TIGAR: variants seen among roughly 807,000 people sequenced by gnomAD.
The protein encoded by TIGAR is fructose-2,6-bisphosphatase TIGAR.
TIGAR carries 7 observed loss-of-function variants against 17.9 expected under a neutral mutation model. The ratio of observed to expected loss-of-function variants is 0.39; its 90% CI spans 0.22 to 0.73. The LOEUF (loss-of-function observed/expected upper bound fraction) is 0.73, where lower values mean the gene tolerates loss of function less well. Ranked by LOEUF, TIGAR falls within the 30% of genes least tolerant of loss-of-function variation. The pLI is 0.42. For synonymous variants in TIGAR, 94 were observed against 108.6 expected, an observed-to-expected ratio of 0.87 and a Z score of 0.84; for missense variants, 258 against 327.4, an observed-to-expected ratio of 0.79 and a Z score of 1.64.
chr12:4,329,407 C>T (rs1383739897), intron 1 of TIGAR, among the ~76,000 whole-genome samples: 1 of 131,590 alleles, frequency 7.6e-6, no homozygotes, highest in Non-Finnish European at 1.5e-5. Flanking sequence ...GGTGTGATTG[C>T]AGCTCACTGC....
intron 5 of TIGAR, 121 bp from the exon 6 acceptor site, chr12:4,352,139 C>A: frequency 2.8e-6 from 2 of 716,290 alleles, no homozygotes; most frequent in South Asian, 3.9e-5. Context: ...TGATATTCTT[C>A]TGCTTGTGTA....
At chr12:4,349,678 A>C (rs1228517886) in intron 3 of TIGAR, 141 bp from the exon 4 acceptor site, 2 of 619,810 alleles carry the variant, frequency 3.2e-6, no homozygotes, top group Middle Eastern at 4.3e-4. Flanking sequence ...CAGCCTCCCA[A>C]AGTGCTGGGA....
In TIGAR at chr12:4,341,382, A is replaced by G. The variant is rs578124301; in HGVS notation, c.192+4222A>G. ...TTTCTGCATTTCCAACTGAGCTTTGAAGAGAGTAGTCGTTCTCCCAGCATG... is the reference window on the plus strand; with the variant it reads ...TTTCTGCATTTCCAACTGAGCTTTGGAGAGAGTAGTCGTTCTCCCAGCATG... On this transcript the variant is annotated intron_variant, in intron 3 of 5. Transcript: ENST00000179259. Among the ~76,000 whole-genome samples the G allele has an allele frequency of 9.2e-5, 14 of 152,262 alleles. No individual in the cohort carries two copies. In the East Asian group the frequency reaches 1.9e-3, roughly 21 times the overall value.
chr12:4,354,578 G>C lies in TIGAR; in HGVS notation c.*1887G>C, dbSNP rs953944289. ...TTTAAAAATAAATATCAAGCCATCT[G>C]TGTTCTTTATTTTTACTTATGTCTT... is the stretch of plus-strand genomic sequence containing the variant. On this transcript the variant is annotated 3_prime_UTR_variant, in exon 6 of 6. Coordinates refer to ENST00000179259, the MANE Select transcript of TIGAR (RefSeq NM_020375.3). 13 of 151,836 alleles carry C rather than the reference G, an allele frequency of 8.6e-5. No homozygotes were observed. Among genetic ancestry groups the C allele is most frequent in the African/African-American group, 3.1e-4 (13 of 41,330 alleles). 9.4% of individuals were successfully genotyped at this position (151,836 alleles called of 1,614,324 possible). A position where few individuals can be genotyped will look rare whatever the true frequency, so the allele number is the denominator to read the frequency against.
intron 3 of TIGAR, among the ~76,000 whole-genome samples, chr12:4,339,770 A>G (rs907244413): frequency 9.9e-5 from 15 of 152,278 alleles, no homozygotes; most frequent in African/African-American, 3.4e-4. Flanking sequence ...GTGATACATT[A>G]TATCAACAGA....
chr12:4,343,682 G>T (rs1183282932), intron 3 of TIGAR, among the ~76,000 whole-genome samples: 2 of 152,174 alleles, frequency 1.3e-5, no homozygotes, highest in African/African-American at 4.8e-5. Flanking sequence ...TGAAACCAAT[G>T]AGAACAAAGA....
At chr12:4,345,254 A>G (rs1372703529) in intron 3 of TIGAR, among the ~76,000 whole-genome samples, 1 of 152,248 alleles carries the variant, frequency 6.6e-6, no homozygotes, top group Non-Finnish European at 1.5e-5. Context: ...CTTGGAAAAA[A>G]CTACTTTAAA....
In TIGAR at chr12:4,345,848, C is replaced by G. The variant is rs140186600; in HGVS notation, c.193-3971C>G. Among the ~76,000 whole-genome samples the G allele has an allele frequency of 1.3e-4, 20 of 152,198 alleles. No homozygotes were observed. In the East Asian group the frequency reaches 3.9e-3, roughly 29 times the overall value. On this transcript the variant is annotated intron_variant, in intron 3 of 5. Transcript: ENST00000179259. ...ACCTACAGAATGGGAGAAAATTTTT[C>G]CAATCTACTCATCTGACAAAGGGCT...
chr12:4,347,358 C>G (rs1364751092), intron 3 of TIGAR, among the ~76,000 whole-genome samples: 1 of 152,002 alleles, frequency 6.6e-6, no homozygotes, highest in East Asian at 1.9e-4. Context: ...AACAATTGAA[C>G]TCATGGAGAT....
intron 3 of TIGAR, among the ~76,000 whole-genome samples, chr12:4,337,848 C>G (rs1483183586): frequency 6.6e-6 from 1 of 152,012 alleles, no homozygotes; most frequent in African/African-American, 2.4e-5. Flanking sequence ...AATGAAAAAC[C>G]AGTTGGGCAT....
In TIGAR at chr12:4,352,931, G is replaced by A; in HGVS notation, c.*240G>A. On this transcript the variant is annotated 3_prime_UTR_variant, in exon 6 of 6. Coordinates refer to ENST00000179259, the MANE Select transcript of TIGAR (RefSeq NM_020375.3). ...ACCACCCTGCTAGATGTCATCTCTG[G>A]ATTGCACATGGATGATGAAGGAACT... The A allele has an allele frequency of 2.1e-6, 1 of 469,840 alleles. No homozygotes were observed. The highest frequency in any genetic ancestry group is 3.8e-6 in the Non-Finnish European group (1 of 265,430). The allele number at this position is 469,840 out of a possible 1,614,324, so 29.1% of individuals were successfully genotyped here. A position where few individuals can be genotyped will look rare whatever the true frequency, so the allele number is the denominator to read the frequency against.
intron 3 of TIGAR, among the ~76,000 whole-genome samples, chr12:4,344,326 G>A (rs1316262192): frequency 1.3e-5 from 2 of 152,136 alleles, no homozygotes; most frequent in African/African-American, 4.8e-5. Context: ...CATTCCTTCT[G>A]AAACTATCCC....
At position 4,337,179 on chromosome 12, in the gene TIGAR, T is replaced by A; in HGVS notation, c.192+19T>A. 6.3e-7 allele frequency: 1 copy of A among 1,587,798 alleles called. No individual in the cohort carries two copies. Among genetic ancestry groups the A allele is most frequent in the Non-Finnish European group, 8.6e-7 (1 of 1,159,110 alleles). On this transcript the variant is annotated intron_variant, in intron 3 of 5. Transcript: ENST00000179259. ...AAAGCAGGTACATTTATTTATTTAT[T>A]TATTTTGAGACAGAGCGTCACTCTA...
intron 1 of TIGAR, among the ~76,000 whole-genome samples, chr12:4,325,223 T>C (rs183850366): frequency 9.5e-4 from 145 of 152,098 alleles, no homozygotes; most frequent in African/African-American, 3.4e-3. Context: ...ATTACAGGCG[T>C]GAGCCACCCC....
At chr12:4,351,571 T>C (rs1356849864) in intron 5 of TIGAR, among the ~76,000 whole-genome samples, 194 bp downstream of exon 5, 1 of 152,230 alleles carries the variant, frequency 6.6e-6, no homozygotes, top group Non-Finnish European at 1.5e-5. Context: ...TTATTGATAA[T>C]GGACTTAAGG....
intron 2 of TIGAR, among the ~76,000 whole-genome samples, chr12:4,335,998 C>A (rs1185366524): frequency 6.6e-6 from 1 of 152,106 alleles, no homozygotes; most frequent in Non-Finnish European, 1.5e-5. Flanking sequence ...GTGACTCTGT[C>A]TTTATGTTTT....
chr12:4,357,735 A>G lies in TIGAR; in HGVS notation c.*5044A>G, dbSNP rs971051813. 2.6e-5 allele frequency among the ~76,000 whole-genome samples: 4 copies of G among 152,148 alleles called. No individual in the cohort carries two copies. Among genetic ancestry groups the G allele is most frequent in the African/African-American group, 9.7e-5 (4 of 41,432 alleles). On this transcript the variant is annotated 3_prime_UTR_variant, in exon 6 of 6. Transcript: ENST00000179259. ...TTCATTGATAAGTGACAGGGCAGGG[A>G]CACTGGAAAGATCTATTGTCAGAAG...
At chr12:4,324,553 A>G (rs765385894) in intron 1 of TIGAR, 25 of 1,607,892 alleles carry the variant, frequency 1.6e-5, no homozygotes, top group African/African-American at 6.7e-5. Flanking sequence ...CATCTTGGGC[A>G]GGATGATCAT....
At chr12:4,323,120 G>C (rs1043201419) in intron 1 of TIGAR, among the ~76,000 whole-genome samples, 4 of 143,504 alleles carry the variant, frequency 2.8e-5, no homozygotes, top group Non-Finnish European at 6.1e-5. Context: ...AAAAAAAAAA[G>C]CTGGCTGTGG....
Sources: allele counts gnomAD v4.1 joint callset (sites outside exome capture counted in the v4.1 genomes callset), GRCh38; gene constraint gnomAD v4.1.1; transcripts MANE v1.5; gene names NCBI Gene and HGNC (gene_info 2026-07-23, HGNC 2026-07-21).